The following STYXL2 variants were observed in gnomAD, a reference collection of about 807,000 sequenced individuals.
STYXL2 encodes serine/threonine/tyrosine interacting like 2.
Under a neutral mutation model 52.4 loss-of-function variants are expected in STYXL2, and 44 were observed. That is an observed-to-expected ratio of 0.84 (90% CI 0.66 to 1.08). The LOEUF (loss-of-function observed/expected upper bound fraction) is 1.08, where lower values mean the gene tolerates loss of function less well. Ranked by LOEUF, STYXL2 falls within the 50% of genes least tolerant of loss-of-function variation. The pLI is 0.00. For synonymous variants in STYXL2, 604 were observed against 586.9 expected (o/e 1.03, Z -0.42); for missense variants, 1,604 against 1,471.7 (o/e 1.09, Z -1.47).
chr1:167,126,257 T>C lies in STYXL2; in HGVS notation c.1126T>C (p.Ser376Pro). 6.5e-7 allele frequency: 1 copy of C among 1,541,456 alleles called. No homozygotes were observed. Among genetic ancestry groups the C allele is most frequent in the South Asian group, 1.3e-5 (1 of 78,920 alleles). ...PQDGGGWRSA[S>P]SGQGGEELED... is the part of the protein sequence containing the mutation. ...GGATGGAGGTGGCTGGCGCTCAGCC[T>C]CCTCTGGCCAGGGTGGGGAGGAGCT... Residue 376 changes from serine (S) to proline (P), a missense_variant, in exon 6 of 6, where the codon TCC becomes CCC. Coordinates refer to ENST00000361200, the MANE Select transcript of STYXL2 (RefSeq NM_001080426.3).
intron 2 of STYXL2, among the ~76,000 whole-genome samples, chr1:167,106,415 T>C (rs936809847): frequency 1.3e-5 from 2 of 152,208 alleles, no homozygotes; most frequent in African/African-American, 4.8e-5. Context: ...TGTGGTGCTG[T>C]GCAAGGAAGA....
Position 167,126,986 on chromosome 1 carries a change from T to G in STYXL2, c.1855T>G (p.Leu619Val). The change falls in exon 6 of 6, where the codon TTG (leucine) becomes GTG (valine). Residue 619 changes from leucine to valine, a missense_variant. Leu to Val is a conservative substitution (Grantham distance 32). Transcript: ENST00000361200. ...GCTCAGCAAGGGGGAGGACTCGGCC[T>G]TGGCTAAGAAGAGACAACGGAGGCT... ...VELSKGEDSA[L>V]AKKRQRRLEL... 1.2e-6 allele frequency: 2 copies of G among 1,608,990 alleles called. No homozygotes were observed. The highest frequency in any genetic ancestry group is 1.7e-6 in the Non-Finnish European group (2 of 1,177,378).
At chr1:167,124,343 C>T (rs1558026200) in intron 5 of STYXL2, among the ~76,000 whole-genome samples, 1 of 152,186 alleles carries the variant, frequency 6.6e-6, no homozygotes. Context: ...AAGACATGAC[C>T]TTAACTGCTG....
chr1:167,126,904 C>G lies in STYXL2; in HGVS notation c.1773C>G (p.Ala591=). 1 of 1,611,890 alleles carries G rather than the reference C, an allele frequency of 6.2e-7. No homozygotes were observed. The highest frequency in any genetic ancestry group is 8.5e-7 in the Non-Finnish European group (1 of 1,178,834). Residue 591 remains alanine (A), a synonymous_variant, in exon 6 of 6, where the codon GCC becomes GCG. Transcript: ENST00000361200. ...ACGTCAGCCTGACAGCCTACCAGGC[C>G]TGGAAGCTGAAACACCAGAAGAAGG... The part of the protein sequence containing the change: ...PSDVSLTAYQ[A]WKLKHQKKVG...
chr1:167,120,887 CAGAGAG>C, intron 5 of STYXL2, among the ~76,000 whole-genome samples: 1 of 76,648 alleles, frequency 1.3e-5, no homozygotes. Context: ...TATATATATA[CAGAGAG>C]AGAGAGAGGT....
At position 167,125,786 on chromosome 1, in the gene STYXL2, G is replaced by A; in HGVS notation, c.656-1G>A. ...CATTTTCTCTTGTGTTTTCATTTCAGGGAAAGTCCTGGTCAGCAGCGAAAT... is the reference window on the plus strand; with the variant it reads ...CATTTTCTCTTGTGTTTTCATTTCAAGGAAAGTCCTGGTCAGCAGCGAAAT... On this transcript the variant is annotated splice_acceptor_variant, in intron 5 of 5. Transcript: ENST00000361200. LOFTEE classifies it high-confidence loss of function. 1 of 1,577,854 alleles carries A rather than the reference G, an allele frequency of 6.3e-7. No homozygotes were observed. Among genetic ancestry groups the A allele is most frequent in the South Asian group, 1.2e-5 (1 of 86,562 alleles).
intron 3 of STYXL2, among the ~76,000 whole-genome samples, chr1:167,114,926 T>G (rs147081829): frequency 6.6e-6 from 1 of 152,320 alleles, no homozygotes; most frequent in African/African-American, 2.4e-5. Flanking sequence ...CTTCCTCTTT[T>G]GTGGTTGGAA....
chr1:167,126,290 G>A lies in STYXL2; in HGVS notation c.1159G>A (p.Glu387Lys), dbSNP rs1045386845. The change falls in exon 6 of 6, where the codon GAG (glutamate) becomes AAG (lysine). Residue 387 changes from glutamate to lysine, a missense_variant. Physicochemically the swap from Glu to Lys is moderately conservative, Grantham distance 56 (BLOSUM62 1). Transcript: ENST00000361200. ...CCAGGGTGGGGAGGAGCTCGAGGAC[G>A]AGGACGTGGAGAGGATCATCCAGGA... The part of the protein sequence containing the change: ...SGQGGEELED[E>K]DVERIIQEWQ... 2.0e-6 allele frequency: 3 copies of A among 1,527,108 alleles called. No homozygotes were observed. The highest frequency in any genetic ancestry group is 1.4e-5 in the African/African-American group (1 of 72,970). The allele number at this position is 1,527,108 out of a possible 1,614,324, so 94.6% of individuals were successfully genotyped here. A position where few individuals can be genotyped will look rare whatever the true frequency, so the allele number is the denominator to read the frequency against.
In STYXL2 at chr1:167,125,857, C is replaced by T; in HGVS notation, c.726C>T (p.Ile242=). 2.5e-6 allele frequency: 4 copies of T among 1,613,944 alleles called. No individual in the cohort carries two copies. In the African/African-American group the frequency reaches 5.3e-5, roughly 22 times the overall value. The change falls in exon 6 of 6, where the codon ATC becomes ATT. Residue 242 remains isoleucine (I), a synonymous_variant. Coordinates refer to ENST00000361200, the MANE Select transcript of STYXL2 (RefSeq NM_001080426.3). ...TGCTGGTGGTCGCCTACCTGATGAT[C>T]TTCCACAACATGGCCATCCTGGAGG... The part of the protein sequence containing the change: ...SAVLVVAYLM[I]FHNMAILEAL...
At chr1:167,100,098 G>T (rs756160598) in intron 2 of STYXL2, among the ~76,000 whole-genome samples, 1 of 152,264 alleles carries the variant, frequency 6.6e-6, no homozygotes, top group Non-Finnish European at 1.5e-5. Flanking sequence ...TAACATGGCA[G>T]ATGGCATCAC....
chr1:167,107,473 G>A (rs1667528856), intron 2 of STYXL2, among the ~76,000 whole-genome samples: 1 of 152,176 alleles, frequency 6.6e-6, no homozygotes, highest in African/African-American at 2.4e-5. Context: ...GGCCTCTGAA[G>A]GGCAGAGAGT....
chr1:167,107,255 C>T (rs573508465), intron 2 of STYXL2, among the ~76,000 whole-genome samples: 6 of 152,192 alleles, frequency 3.9e-5, no homozygotes, highest in African/African-American at 1.2e-4. Flanking sequence ...TCCCTCAAGA[C>T]GTGGGTTCAA....
At chr1:167,100,689 G>A (rs1283078871) in intron 2 of STYXL2, among the ~76,000 whole-genome samples, 1 of 152,114 alleles carries the variant, frequency 6.6e-6, no homozygotes, top group Non-Finnish European at 1.5e-5. Flanking sequence ...CTTAAAACAT[G>A]GCCCCACATC....
At chr1:167,106,221 A>G (rs1667504957) in intron 2 of STYXL2, among the ~76,000 whole-genome samples, 1 of 152,210 alleles carries the variant, frequency 6.6e-6, no homozygotes, top group African/African-American at 2.4e-5. Context: ...GGATAATCCC[A>G]GGCCAGGATC....
intron 5 of STYXL2, among the ~76,000 whole-genome samples, chr1:167,124,663 G>A (rs1382065697): frequency 1.3e-5 from 2 of 152,184 alleles, no homozygotes; most frequent in Admixed American, 6.5e-5. Flanking sequence ...ACCAAAAGAT[G>A]TTAGTAGGAA....
rs770721361 is a variant in STYXL2 at position 167,126,331 on chromosome 1, C to A, written c.1200C>A (p.Asn400Lys). 3 of 1,520,976 alleles carry A rather than the reference C, an allele frequency of 2.0e-6. No individual in the cohort carries two copies. The highest frequency in any genetic ancestry group is 1.7e-4 in the Middle Eastern group (1 of 5,782). 94.2% of individuals were successfully genotyped at this position (1,520,976 alleles called of 1,614,324 possible). ...ERIIQEWQSR[N>K]ERYQAEGYRR... ...TCATCCAGGAGTGGCAGAGCCGAAA[C>A]GAGAGGTACCAAGCAGAAGGGTACC... Residue 400 changes from asparagine to lysine, a missense_variant, in exon 6 of 6, where the codon AAC becomes AAA. Asn to Lys is a moderately conservative substitution (Grantham distance 94, BLOSUM62 0). Transcript: ENST00000361200.
Position 167,127,925 on chromosome 1 carries a change from G to A in STYXL2, c.2794G>A (p.Asp932Asn), listed in dbSNP as rs866215445. ...TGGCAGCAGAGTTGGCAAAGAGATG[G>A]ATAGCAGTATTAATAAGTGGCTCAG... Reference protein sequence around the residue: ...ASGSRVGKEMDSSINKWLSGL... With the variant: ...ASGSRVGKEMNSSINKWLSGL... The change falls in exon 6 of 6, where the codon GAT becomes AAT. Residue 932 changes from aspartate (D) to asparagine (N), a missense_variant. By Grantham distance (23) the Asp-to-Asn change is conservative. Coordinates refer to ENST00000361200, the MANE Select transcript of STYXL2 (RefSeq NM_001080426.3). 3 of 1,614,038 alleles carry A rather than the reference G, an allele frequency of 1.9e-6. No homozygotes were observed. Among genetic ancestry groups the A allele is most frequent in the South Asian group, 2.2e-5 (2 of 91,090 alleles).
chr1:167,095,478 A>T (rs567782750), intron 2 of STYXL2, among the ~76,000 whole-genome samples: 1 of 152,320 alleles, frequency 6.6e-6, no homozygotes, highest in South Asian at 2.1e-4. Context: ...GCAAGTGGCA[A>T]GATGCCAAGA....
At chr1:167,113,404 G>T (rs961086930) in intron 2 of STYXL2, among the ~76,000 whole-genome samples, 1 of 152,240 alleles carries the variant, frequency 6.6e-6, no homozygotes, top group African/African-American at 2.4e-5. Context: ...ATCCAAGAAA[G>T]TGAAGCCACA....
Sources: allele counts gnomAD v4.1 joint callset (sites outside exome capture counted in the v4.1 genomes callset), GRCh38; gene constraint gnomAD v4.1.1; transcripts MANE v1.5; gene names NCBI Gene and HGNC (gene_info 2026-07-23, HGNC 2026-07-21).